The following SOCS6 variants were observed in gnomAD, a reference collection of about 807,000 sequenced individuals.
SOCS6 encodes STAT induced STAT inhibitor-4.
SOCS6 carries 5 observed loss-of-function variants against 27.7 expected under a neutral mutation model. That is an observed-to-expected ratio of 0.18 (90% CI 0.09 to 0.38). The LOEUF (loss-of-function observed/expected upper bound fraction) is 0.38, where lower values mean the gene tolerates loss of function less well. Ranked by LOEUF, SOCS6 falls within the 10% of genes least tolerant of loss-of-function variation. The probability of loss-of-function intolerance (pLI) is 1.00; values close to 1 mark genes in which losing one functional copy is unlikely to be tolerated. For missense variants in SOCS6, 595 were observed against 688.1 expected (o/e 0.86, Z 1.51); for synonymous variants, 271 against 260.0 (o/e 1.04, Z -0.41).
Position 70,325,489 on chromosome 18 carries a change from T to C in SOCS6, c.821T>C (p.Val274Ala). The C allele has an allele frequency of 6.2e-7, 1 of 1,614,176 alleles. No individual in the cohort carries two copies. The highest frequency in any genetic ancestry group is 8.5e-7 in the Non-Finnish European group (1 of 1,180,038). The change falls in exon 2 of 2, where the codon GTT becomes GCT. Residue 274 changes from valine to alanine, a missense_variant. This residue lies in a region of SOCS6 where 467 missense variants were observed against 481.1 expected (regional missense o/e 0.97). Coordinates refer to ENST00000397942, the MANE Select transcript of SOCS6 (RefSeq NM_004232.4). The surrounding 1 kb of genome is among the most constrained non-coding windows in gnomAD (Gnocchi z 6.3). ...GAGAGTCAGGTAGACCAGGACCTAG[T>C]TGTCGCCCCAGAGATCTTCGTGGAT... ...EDESQVDQDLVVAPEIFVDQS... is the reference protein window; with the variant it reads ...EDESQVDQDLAVAPEIFVDQS...
chr18:70,289,307 G>T (rs2146253253), intron 1 of SOCS6, among the ~76,000 whole-genome samples: 1 of 149,196 alleles, frequency 6.7e-6, no homozygotes, highest in African/African-American at 2.4e-5. Context: ...GCGGGCGGGG[G>T]CCAGGGCCGG....
chr18:70,289,717 T>G (rs2062290146), intron 1 of SOCS6, among the ~76,000 whole-genome samples: 1 of 151,436 alleles, frequency 6.6e-6, no homozygotes, highest in African/African-American at 2.4e-5. Context: ...CTGGTGGAGG[T>G]GCAGGCCGGG....
At chr18:70,314,987 C>T (rs2062405855) in intron 1 of SOCS6, among the ~76,000 whole-genome samples, 1 of 151,914 alleles carries the variant, frequency 6.6e-6, no homozygotes, top group South Asian at 2.1e-4. Flanking sequence ...TATTATTTTA[C>T]TCCTTTGATC....
chr18:70,289,946 C>G (rs1170385194), intron 1 of SOCS6, among the ~76,000 whole-genome samples: 3 of 152,096 alleles, frequency 2.0e-5, no homozygotes, highest in Non-Finnish European at 4.4e-5. Context: ...GGGATATGTG[C>G]AGTAGTGTGT....
chr18:70,319,231 G>T (rs1396024311), intron 1 of SOCS6, among the ~76,000 whole-genome samples: 1 of 152,030 alleles, frequency 6.6e-6, no homozygotes, highest in African/African-American at 2.4e-5. Context: ...GTTTAGGAGC[G>T]GTGGAGTAGA....
In SOCS6 at chr18:70,293,047, AC is replaced by A. The variant is rs201753190; in HGVS notation, c.-127+3965del. Among the ~76,000 whole-genome samples, 44 of 145,176 alleles carry A rather than the reference AC, an allele frequency of 3.0e-4. No individual in the cohort carries two copies. The South Asian group carries it at 8.7e-3, about 29-fold the overall frequency. On this transcript the variant is annotated intron_variant, in intron 1 of 1. Transcript: ENST00000397942. ...TACTTGTTTCTGCTGTTCCCCCGCC[AC>A]CCCCCCCAAATAAGTTCTATGAGGG...
chr18:70,291,913 A>G (rs1301403768), intron 1 of SOCS6, among the ~76,000 whole-genome samples: 2 of 152,204 alleles, frequency 1.3e-5, no homozygotes, highest in African/African-American at 4.8e-5. Context: ...TAAAAGAGGA[A>G]CAACGTAAGA....
intron 1 of SOCS6, among the ~76,000 whole-genome samples, chr18:70,302,612 G>C (rs922065475): frequency 1.3e-5 from 2 of 152,124 alleles, no homozygotes; most frequent in African/African-American, 4.8e-5. Flanking sequence ...GAAGGGAATA[G>C]AAGTATACAC....
chr18:70,291,888 T>C (rs963353290), intron 1 of SOCS6, among the ~76,000 whole-genome samples: 1 of 152,194 alleles, frequency 6.6e-6, no homozygotes, highest in African/African-American at 2.4e-5. Flanking sequence ...TTGATAGAAA[T>C]AATTGTTCAG....
At chr18:70,312,741 A>G (rs2062395469) in intron 1 of SOCS6, among the ~76,000 whole-genome samples, 1 of 151,728 alleles carries the variant, frequency 6.6e-6, no homozygotes, top group African/African-American at 2.4e-5. Context: ...CAAGATATAG[A>G]ACAATTTCCA....
rs1172281600 is a variant in SOCS6 at position 70,326,559 on chromosome 18, C to A, written c.*283C>A. On this transcript the variant is annotated 3_prime_UTR_variant, in exon 2 of 2. Coordinates refer to ENST00000397942, the MANE Select transcript of SOCS6 (RefSeq NM_004232.4). ...GTGAATTATCAAATTCTCCTCAATG[C>A]CCCCCCCGCCCAGTCCTTTGCTGCT... 3.8e-5 allele frequency: 13 copies of A among 339,160 alleles called. No individual in the cohort carries two copies. The highest frequency in any genetic ancestry group is 6.0e-5 in the Non-Finnish European group (11 of 182,288). 21.0% of individuals were successfully genotyped at this position (339,160 alleles called of 1,614,324 possible).
chr18:70,309,035 G>A lies in SOCS6; in HGVS notation c.-126-15508G>A, dbSNP rs115734595. Among the ~76,000 whole-genome samples, 572 of 152,272 alleles carry A rather than the reference G, an allele frequency of 3.8e-3. 4 individuals carry two copies. The highest frequency in any genetic ancestry group is 0.013 in the African/African-American group (536 of 41,554). ...CTACTTTTTGAGTAGAGTGACATCA[G>A]CAAACTTTTTCTGTAAGGGTCAGAT... On this transcript the variant is annotated intron_variant, in intron 1 of 1. Coordinates refer to ENST00000397942, the MANE Select transcript of SOCS6 (RefSeq NM_004232.4).
intron 1 of SOCS6, among the ~76,000 whole-genome samples, chr18:70,312,833 G>A (rs901094521): frequency 6.8e-5 from 10 of 146,012 alleles, no homozygotes. Context: ...GAGTGCAGTG[G>A]CGTGATCTTG....
At chr18:70,317,714 G>A (rs142335363) in intron 1 of SOCS6, among the ~76,000 whole-genome samples, 1,574 of 151,898 alleles carry the variant, frequency 0.01, 13 homozygotes, top group Middle Eastern at 0.034. Flanking sequence ...ACCTAGTAGT[G>A]GGATTGCTGG....
At chr18:70,324,357 C>T (rs1285264226) in intron 1 of SOCS6, among the ~76,000 whole-genome samples, 186 bp from the exon 2 acceptor site, 1 of 145,094 alleles carries the variant, frequency 6.9e-6, no homozygotes, top group Non-Finnish European at 1.5e-5. Context: ...GCCAAATGCT[C>T]ATTGTGTAGT....
chr18:70,292,757 T>TTC (rs1321624233), intron 1 of SOCS6, among the ~76,000 whole-genome samples: 1 of 152,190 alleles, frequency 6.6e-6, no homozygotes, highest in Admixed American at 6.5e-5. Context: ...CTTACCAGGG[T>TTC]TCTGCCCTAG....
intron 1 of SOCS6, among the ~76,000 whole-genome samples, chr18:70,305,110 C>T (rs1008089703): frequency 3.9e-5 from 4 of 101,468 alleles, no homozygotes; most frequent in East Asian, 3.0e-4. Flanking sequence ...GGGAGGCCGA[C>T]GCAGGAGAAT....
intron 1 of SOCS6, among the ~76,000 whole-genome samples, chr18:70,313,572 C>T (rs1297933438): frequency 6.6e-6 from 1 of 152,104 alleles, no homozygotes; most frequent in African/African-American, 2.4e-5. Flanking sequence ...AGTAAGAGCC[C>T]TGCTGGACCC....
intron 1 of SOCS6, among the ~76,000 whole-genome samples, chr18:70,306,028 A>G (rs2062367817): frequency 6.6e-6 from 1 of 152,114 alleles, no homozygotes; most frequent in Non-Finnish European, 1.5e-5. Context: ...GCTTGAGCCT[A>G]GGAGTTTAAG....
Sources: allele counts gnomAD v4.1 joint callset (sites outside exome capture counted in the v4.1 genomes callset), GRCh38; gene constraint gnomAD v4.1.1; regional missense constraint gnomAD v4.1.1; non-coding constraint Gnocchi (gnomAD v3.1); transcripts MANE v1.5; gene names NCBI Gene and HGNC (gene_info 2026-07-23, HGNC 2026-07-21).